The following GCFC2 variants were observed in gnomAD, a reference collection of about 807,000 sequenced individuals.
The protein encoded by GCFC2 is intron Large complex component GCFC2.
Under a neutral mutation model 99.4 loss-of-function variants are expected in GCFC2, and 102 were observed. The ratio of observed to expected loss-of-function variants is 1.03; its 90% CI spans 0.87 to 1.21. The LOEUF is 1.21. Ranked by LOEUF, GCFC2 falls within the 50% of genes most tolerant of loss-of-function variation. The probability of loss-of-function intolerance (pLI) is 0.00; values close to 1 mark genes in which losing one functional copy is unlikely to be tolerated. For missense variants in GCFC2, 973 were observed against 920.9 expected (o/e 1.06, Z -0.73); for synonymous variants, 338 against 316.8 (o/e 1.07, Z -0.71).
At chr2:75,698,934 C>T (rs1680453677) in intron 4 of GCFC2, among the ~76,000 whole-genome samples, 2 of 151,592 alleles carry the variant, frequency 1.3e-5, no homozygotes, top group Non-Finnish European at 2.9e-5. Flanking sequence ...ATTGCTTGAA[C>T]CTGGGAAGTG....
At position 75,700,027 on chromosome 2, in the gene GCFC2, A is replaced by G. The variant is rs116126331; in HGVS notation, c.717+1163T>C. Among the ~76,000 whole-genome samples the G allele has an allele frequency of 3.0e-3, 457 of 152,022 alleles. 3 individuals are homozygous for G. The highest frequency in any genetic ancestry group is 0.01 in the Middle Eastern group (3 of 294). On this transcript the variant is annotated intron_variant, in intron 4 of 16. Coordinates refer to ENST00000321027, the MANE Select transcript of GCFC2 (RefSeq NM_003203.5). ...GCAATCCTCCCACTTCAGCCCCCCAAGCAGCTAGGACTACAGGTGTGTGCC... is the reference window on the plus strand; with the variant it reads ...GCAATCCTCCCACTTCAGCCCCCCAGGCAGCTAGGACTACAGGTGTGTGCC...
chr2:75,710,661 A>T lies in GCFC2; in HGVS notation c.195T>A (p.Arg65=). 6.6e-7 allele frequency: 1 copy of T among 1,518,988 alleles called. No homozygotes were observed. The highest frequency in any genetic ancestry group is 8.8e-7 in the Non-Finnish European group (1 of 1,139,608). The allele number at this position is 1,518,988 out of a possible 1,614,324, so 94.1% of individuals were successfully genotyped here. The change falls in exon 1 of 17, where the codon CGT becomes CGA. Residue 65 remains arginine, a synonymous_variant. Transcript: ENST00000321027. ...AGCTCGCCCAGACCCGGCCCCGGCC[A>T]CGAGGGCCCCGAACCCGGTGGGGCA... ...AGLPHRVRGP[R]GRGRVWASSR...
At chr2:75,711,847 G>A (rs1164800305), upstream of GCFC2, among the ~76,000 whole-genome samples, 2 of 152,232 alleles carry the variant, frequency 1.3e-5, no homozygotes, top group Non-Finnish European at 2.9e-5. Flanking sequence ...CGCCATGCCT[G>A]AGCCTCCCAT....
intron 5 of GCFC2, 44 bp from the exon 6 acceptor site, chr2:75,694,471 TA>T: frequency 5.5e-6 from 4 of 733,548 alleles, no homozygotes; most frequent in Non-Finnish European, 8.2e-6. Flanking sequence ...CATACTCTTT[TA>T]AAAGTAGCAA....
chr2:75,667,885 A>G (rs1161683578), intron 15 of GCFC2, among the ~76,000 whole-genome samples: 1 of 152,292 alleles, frequency 6.6e-6, no homozygotes, highest in East Asian at 1.9e-4. Flanking sequence ...TTTTTAATAT[A>G]TAATGCTTAA....
chr2:75,689,047 C>T lies in GCFC2; in HGVS notation c.1518G>A (p.Leu506=), dbSNP rs752804478. The change falls in exon 10 of 17, where the codon TTG becomes TTA. Residue 506 remains leucine (L), a synonymous_variant. Coordinates refer to ENST00000321027, the MANE Select transcript of GCFC2 (RefSeq NM_003203.5). The stretch of plus-strand genomic sequence containing the variant: ...ATACCTTAAGAGGATTCCAATCAAT[C>T]AACTGAACTCGTATTAGGGGATTTA... The part of the protein sequence containing the change: ...KLLNPLIRVQ[L]IDWNPLKLES... 98 of 1,565,962 alleles carry T rather than the reference C, an allele frequency of 6.3e-5. No individual in the cohort carries two copies. The highest frequency in any genetic ancestry group is 8.5e-5 in the Non-Finnish European group (97 of 1,143,714).
chr2:75,688,878 G>A (rs544170683), intron 10 of GCFC2, 148 bp downstream of exon 10: 18 of 546,676 alleles, frequency 3.3e-5, no homozygotes, highest in Admixed American at 2.2e-4. Flanking sequence ...GAATGTAGCC[G>A]AAAGCACACA....
intron 13 of GCFC2, among the ~76,000 whole-genome samples, chr2:75,672,419 T>C (rs1679149910): frequency 6.6e-6 from 1 of 151,080 alleles, no homozygotes; most frequent in South Asian, 2.1e-4. Flanking sequence ...ACCATGTGAA[T>C]GCATTATCTA....
chr2:75,706,372 G>A, intron 2 of GCFC2, 151 bp downstream of exon 2: 1 of 571,302 alleles, frequency 1.8e-6, no homozygotes, highest in Non-Finnish European at 3.1e-6. Flanking sequence ...ATGTTAAAAT[G>A]TAATAAAAAT....
intron 6 of GCFC2, among the ~76,000 whole-genome samples, chr2:75,693,262 A>C (rs923553923): frequency 2.6e-5 from 4 of 152,068 alleles, no homozygotes; most frequent in African/African-American, 9.7e-5. Context: ...AACATGGCGA[A>C]ACCCCGTCTC....
chr2:75,666,286 G>A (rs1678832405), intron 15 of GCFC2, among the ~76,000 whole-genome samples: 1 of 152,144 alleles, frequency 6.6e-6, no homozygotes, highest in African/African-American at 2.4e-5. Flanking sequence ...CTCCCTGGTA[G>A]TACTAGTAAT....
chr2:75,680,009 A>G (rs1679498544), intron 12 of GCFC2, among the ~76,000 whole-genome samples, 184 bp downstream of exon 12: 1 of 150,952 alleles, frequency 6.6e-6, no homozygotes, highest in Non-Finnish European at 1.5e-5. Flanking sequence ...CAGTTTAAAA[A>G]ATTTTTTTTT....
chr2:75,694,929 C>T (rs1187372492), intron 5 of GCFC2, among the ~76,000 whole-genome samples: 1 of 152,030 alleles, frequency 6.6e-6, no homozygotes, highest in African/African-American at 2.4e-5. Flanking sequence ...CAATGGGTTC[C>T]TCTAGGGAGG....
Position 75,672,908 on chromosome 2 carries a change from A to G in GCFC2, c.1889+536T>C, listed in dbSNP as rs113942554. On this transcript the variant is annotated intron_variant, in intron 13 of 16. Coordinates refer to ENST00000321027, the MANE Select transcript of GCFC2 (RefSeq NM_003203.5). Reference sequence around the variant, plus strand: ...AACCAAAACCAAAACCAACCAAACAAAATTCATCTAAGCGCCAAGATAAAG... The same window carrying G: ...AACCAAAACCAAAACCAACCAAACAGAATTCATCTAAGCGCCAAGATAAAG... Among the ~76,000 whole-genome samples the G allele has an allele frequency of 2.5e-3, 383 of 152,378 alleles. 3 individuals are homozygous for G. The highest frequency in any genetic ancestry group is 8.8e-3 in the African/African-American group (366 of 41,590).
At chr2:75,703,807 C>A (rs1680716255) in intron 2 of GCFC2, among the ~76,000 whole-genome samples, 1 of 152,066 alleles carries the variant, frequency 6.6e-6, no homozygotes. Flanking sequence ...TTTTATAGCT[C>A]CCTAGAGGAT....
chr2:75,698,624 G>A (rs1680437222), intron 4 of GCFC2, among the ~76,000 whole-genome samples: 1 of 152,160 alleles, frequency 6.6e-6, no homozygotes, highest in South Asian at 2.1e-4. Context: ...CAAATTTAAA[G>A]GGGTGTAGTG....
intron 1 of GCFC2, among the ~76,000 whole-genome samples, chr2:75,707,743 A>AACATGTTATTTC (rs1680938425): frequency 2.0e-5 from 2 of 101,150 alleles, no homozygotes; most frequent in Non-Finnish European, 5.3e-5. Context: ...TCATCACAAT[A>AACATGTTATTTC]ATAACATGTT....
chr2:75,695,585 T>A (rs1050314122), intron 5 of GCFC2, among the ~76,000 whole-genome samples: 1 of 152,168 alleles, frequency 6.6e-6, no homozygotes, highest in African/African-American at 2.4e-5. Flanking sequence ...TGGGGATAGG[T>A]TCCAAGACCC....
At chr2:75,672,080 G>T in intron 13 of GCFC2, 64 bp from the exon 14 acceptor site, 2 of 811,066 alleles carry the variant, frequency 2.5e-6, no homozygotes, top group Non-Finnish European at 4.1e-6. Flanking sequence ...CAGAACCAGA[G>T]TTTAAGATCA....
Sources: gnomAD v4.1 joint callset for allele counts (sites outside exome capture counted in the v4.1 genomes callset) on GRCh38, gnomAD v4.1.1 for gene constraint, MANE v1.5 for transcripts, NCBI Gene and HGNC (gene_info 2026-07-23, HGNC 2026-07-21) for gene names.